The following VAPB variants were observed in gnomAD, a reference collection of about 807,000 sequenced individuals.
VAPB encodes the protein vesicle-associated membrane protein-associated protein B/C.
In VAPB, 7 loss-of-function variants were observed where a neutral mutation model predicts 25.6. That is an observed-to-expected ratio of 0.27 (90% CI 0.16 to 0.51). The LOEUF (loss-of-function observed/expected upper bound fraction) is 0.51. VAPB is among the 20% of genes least tolerant of loss of function. VAPB has a pLI of 0.97. For missense variants in VAPB, 266 were observed against 301.3 expected (o/e 0.88, Z 0.87); for synonymous variants, 112 against 109.2 (o/e 1.03, Z -0.16).
At chr20:58,436,527 A>C (rs576728344) in intron 3 of VAPB, among the ~76,000 whole-genome samples, 39 of 151,822 alleles carry the variant, frequency 2.6e-4, no homozygotes, top group Admixed American at 2.4e-3. Context: ...GGTTTTCTCC[A>C]TGTTGCCCAA....
intron 2 of VAPB, among the ~76,000 whole-genome samples, chr20:58,428,363 G>A (rs1568714326): frequency 6.6e-6 from 1 of 152,188 alleles, no homozygotes; most frequent in Non-Finnish European, 1.5e-5. Context: ...TTAAAAGTAG[G>A]ATAGATGGTT....
chr20:58,431,131 G>T (rs1988918240), intron 2 of VAPB: 1 of 152,228 alleles, frequency 6.6e-6, no homozygotes, highest in African/African-American at 2.4e-5. Flanking sequence ...GGAATCTGAA[G>T]CCATGTCTGT....
chr20:58,414,185 C>CA (rs1326268277), intron 1 of VAPB, among the ~76,000 whole-genome samples: 51 of 101,356 alleles, frequency 5.0e-4, no homozygotes, highest in East Asian at 2.2e-3. Flanking sequence ...GCTGACCCCC[C>CA]ACCTCCCTCC....
rs886618212 is a variant in VAPB, at chr20:58,448,697, T to A, written c.*4462T>A. ...TCTGCCTCCGTACCTTATTCAGTTA[T>A]TTTCACACTAAAGTAAGTAGAATTA... On this transcript the variant is annotated 3_prime_UTR_variant, in exon 6 of 6. Transcript: ENST00000475243. The A allele has an allele frequency of 4.4e-6, 2 of 453,776 alleles. No homozygotes were observed. The highest frequency in any genetic ancestry group is 3.1e-5 in the South Asian group (2 of 64,468). The allele number at this position is 453,776 out of a possible 1,614,324, so 28.1% of individuals were successfully genotyped here.
At chr20:58,438,373 G>T (rs999205924) in intron 3 of VAPB, among the ~76,000 whole-genome samples, 4 of 152,088 alleles carry the variant, frequency 2.6e-5, no homozygotes, top group African/African-American at 9.7e-5. Context: ...CACCTCCTGG[G>T]CCCAAGTGAT....
chr20:58,389,869 C>T (rs6015262), intron 1 of VAPB, among the ~76,000 whole-genome samples: 47,143 of 152,112 alleles, frequency 0.31, 7,686 homozygotes, highest in African/African-American at 0.41. Context: ...TCCCCTGCTC[C>T]GTGACAGTGT....
chr20:58,450,054 A>T lies in VAPB; in HGVS notation c.*5819A>T. On this transcript the variant is annotated 3_prime_UTR_variant, in exon 6 of 6. Transcript: ENST00000475243. ...CTTTTTAGGGTTTAAGAAGATGAGA[A>T]ATGAGTGTGCACGTTTCACACGTTG... 2.2e-6 allele frequency: 1 copy of T among 454,118 alleles called. No individual in the cohort carries two copies. Among genetic ancestry groups the T allele is most frequent in the South Asian group, 1.6e-5 (1 of 64,472 alleles). The allele number at this position is 454,118 out of a possible 1,614,324, so 28.1% of individuals were successfully genotyped here.
chr20:58,445,738 T>G lies in VAPB; in HGVS notation c.*1503T>G. 1 of 453,382 alleles carries G rather than the reference T, an allele frequency of 2.2e-6. No homozygotes were observed. Among genetic ancestry groups the G allele is most frequent in the South Asian group, 1.6e-5 (1 of 64,436 alleles). 28.1% of individuals were successfully genotyped at this position (453,382 alleles called of 1,614,324 possible). ...TGTGTGTGTATTTTTTTTTTGGTTGTCTTCAGCTGACAGTATGAAAAATGA... is the reference window on the plus strand; with the variant it reads ...TGTGTGTGTATTTTTTTTTTGGTTGGCTTCAGCTGACAGTATGAAAAATGA... On this transcript the variant is annotated 3_prime_UTR_variant, in exon 6 of 6. Coordinates refer to ENST00000475243, the MANE Select transcript of VAPB (RefSeq NM_004738.5).
intron 2 of VAPB, among the ~76,000 whole-genome samples, chr20:58,429,140 CTT>C (rs11478890): frequency 7.1e-6 from 1 of 140,412 alleles, no homozygotes; most frequent in African/African-American, 2.6e-5. Flanking sequence ...GCTTGTTAGA[CTT>C]TTTTTTTTTT....
intron 5 of VAPB, among the ~76,000 whole-genome samples, chr20:58,443,401 T>TG (rs1406945158): frequency 1.3e-5 from 2 of 148,372 alleles, no homozygotes; most frequent in Non-Finnish European, 3.0e-5. Flanking sequence ...CTTTTAGGTT[T>TG]TTTTTTTTTT....
chr20:58,418,479 C>A (rs2123059209), intron 2 of VAPB, 116 bp downstream of exon 2: 1 of 1,298,398 alleles, frequency 7.7e-7, no homozygotes, highest in Non-Finnish European at 1.0e-6. Flanking sequence ...TCTCTCCACC[C>A]CACCCCCACC....
chr20:58,406,628 G>A (rs1988236040), intron 1 of VAPB, among the ~76,000 whole-genome samples: 2 of 152,206 alleles, frequency 1.3e-5, no homozygotes, highest in Admixed American at 1.3e-4. Context: ...AATTGGATGT[G>A]TTGATTTTCG....
intron 2 of VAPB, among the ~76,000 whole-genome samples, chr20:58,425,900 T>C (rs1600804090): frequency 6.6e-6 from 1 of 152,136 alleles, no homozygotes; most frequent in East Asian, 1.9e-4. Context: ...TATTTATATA[T>C]TTATTTATTT....
At position 58,449,757 on chromosome 20, in the gene VAPB, G is replaced by A. The variant is rs750549372; in HGVS notation, c.*5522G>A. ...ATTACACCCCAGGGCTGATGGAGATGTAATCACTTGGCTAATGGATGTGGG... is the reference window on the plus strand; with the variant it reads ...ATTACACCCCAGGGCTGATGGAGATATAATCACTTGGCTAATGGATGTGGG... On this transcript the variant is annotated 3_prime_UTR_variant, in exon 6 of 6. Coordinates refer to ENST00000475243, the MANE Select transcript of VAPB (RefSeq NM_004738.5). 2.2e-6 allele frequency: 1 copy of A among 454,120 alleles called. No individual in the cohort carries two copies. Among genetic ancestry groups the A allele is most frequent in the Admixed American group, 2.3e-5 (1 of 42,582 alleles). 28.1% of individuals were successfully genotyped at this position (454,120 alleles called of 1,614,324 possible).
rs1310726693 is a variant in VAPB, at chr20:58,445,739, C to T, written c.*1504C>T. On this transcript the variant is annotated 3_prime_UTR_variant, in exon 6 of 6. Transcript: ENST00000475243. Reference sequence around the variant, plus strand: ...GTGTGTGTATTTTTTTTTTGGTTGTCTTCAGCTGACAGTATGAAAAATGAA... The same window carrying T: ...GTGTGTGTATTTTTTTTTTGGTTGTTTTCAGCTGACAGTATGAAAAATGAA... The T allele has an allele frequency of 1.1e-4, 48 of 449,200 alleles. No homozygotes were observed. Among genetic ancestry groups the T allele is most frequent in the Non-Finnish European group, 3.5e-5 (8 of 225,862 alleles). The allele number at this position is 449,200 out of a possible 1,614,324, so 27.8% of individuals were successfully genotyped here.
intron 3 of VAPB, 119 bp from the exon 4 acceptor site, chr20:58,438,826 T>G (rs1989101135): frequency 1.3e-6 from 1 of 794,806 alleles, no homozygotes; most frequent in African/African-American, 1.7e-5. Context: ...AGTTCTTTAT[T>G]TGATATACAT....
chr20:58,397,856 G>A (rs1988000723), intron 1 of VAPB, among the ~76,000 whole-genome samples: 1 of 152,086 alleles, frequency 6.6e-6, no homozygotes, highest in African/African-American at 2.4e-5. Flanking sequence ...TAAACTTAAG[G>A]TGATTAAAAA....
chr20:58,393,410 G>A (rs1467938900), intron 1 of VAPB, among the ~76,000 whole-genome samples: 2 of 150,974 alleles, frequency 1.3e-5, no homozygotes, highest in African/African-American at 4.9e-5. Flanking sequence ...CACTCTTTCT[G>A]TTGATCTCAG....
chr20:58,430,930 C>T lies in VAPB; in HGVS notation c.212-3672C>T, dbSNP rs528182071. 3 of 152,306 alleles carry T rather than the reference C, an allele frequency of 2.0e-5. No homozygotes were observed. The South Asian group carries it at 6.2e-4, about 32-fold the overall frequency. The allele number at this position is 152,306 out of a possible 1,614,324, so 9.4% of individuals were successfully genotyped here. ...AAGACAGGCTGGATGCTCATATCTG[C>T]TTCTGCATTTAGTCTGTTAGGATGT... On this transcript the variant is annotated intron_variant, in intron 2 of 5. Coordinates refer to ENST00000475243, the MANE Select transcript of VAPB (RefSeq NM_004738.5).
Sources: gnomAD v4.1 joint callset for allele counts (sites outside exome capture counted in the v4.1 genomes callset) on GRCh38, gnomAD v4.1.1 for gene constraint, MANE v1.5 for transcripts, NCBI Gene and HGNC (gene_info 2026-07-23, HGNC 2026-07-21) for gene names.